CIMIP6: variants seen among roughly 807,000 people sequenced by gnomAD.
CIMIP6 encodes uncharacterized protein C2orf73.
the CIMIP6 span, chr2:54,331,120 C>G: frequency 2.1e-6 from 2 of 948,884 alleles, no homozygotes; most frequent in East Asian, 2.5e-5. Flanking sequence ...CCTTGCTTCT[C>G]TAATTTCCAG....
At chr2:54,341,898 T>C in the CIMIP6 span, among the ~76,000 whole-genome samples, 2 of 152,236 alleles carry the variant, frequency 1.3e-5, no homozygotes, top group Admixed American at 1.3e-4. Flanking sequence ...AAGATGTGAC[T>C]ATTTTCAGCC....
chr2:54,364,938 A>G, the CIMIP6 span, among the ~76,000 whole-genome samples: 2 of 152,236 alleles, frequency 1.3e-5, no homozygotes, highest in Non-Finnish European at 2.9e-5. Flanking sequence ...TGGAGAGAAC[A>G]CAAACAAGCA....
chr2:54,381,369 A>G, the CIMIP6 span, among the ~76,000 whole-genome samples: 118 of 152,330 alleles, frequency 7.7e-4, 1 homozygote, highest in African/African-American at 2.8e-3. Context: ...TTTACTTACC[A>G]TAAAAAGGCT....
chr2:54,370,491 T>A, the CIMIP6 span, among the ~76,000 whole-genome samples: 2 of 152,050 alleles, frequency 1.3e-5, no homozygotes, highest in Non-Finnish European at 2.9e-5. Flanking sequence ...AATACAGAAC[T>A]TGCCATACAG....
the CIMIP6 span, among the ~76,000 whole-genome samples, chr2:54,340,882 C>G: frequency 6.6e-6 from 1 of 152,034 alleles, no homozygotes; most frequent in Admixed American, 6.6e-5. Flanking sequence ...GGAGGATCAC[C>G]TGAGTCCAGG....
At chr2:54,358,933 C>A in the CIMIP6 span, 1 of 1,247,376 alleles carries the variant, frequency 8.0e-7, no homozygotes, top group Non-Finnish European at 1.1e-6. Context: ...ATTTTTTGTC[C>A]TGACTTCACA....
At chr2:54,344,892 C>T in the CIMIP6 span, among the ~76,000 whole-genome samples, 1 of 151,968 alleles carries the variant, frequency 6.6e-6, no homozygotes, top group Non-Finnish European at 1.5e-5. Flanking sequence ...TTTTCTGGAG[C>T]TCCAGAAAAG....
the CIMIP6 span, among the ~76,000 whole-genome samples, chr2:54,366,398 T>A: frequency 6.6e-6 from 1 of 152,242 alleles, no homozygotes; most frequent in Non-Finnish European, 1.5e-5. Flanking sequence ...AATAAACTTC[T>A]ATCTTGTATA....
At chr2:54,340,408 TTCC>T in the CIMIP6 span, among the ~76,000 whole-genome samples, 1 of 152,238 alleles carries the variant, frequency 6.6e-6, no homozygotes, top group African/African-American at 2.4e-5. Flanking sequence ...ATCCATGTCT[TTCC>T]TTAATCTCAT....
At chr2:54,356,158 A>T in the CIMIP6 span, among the ~76,000 whole-genome samples, 1 of 151,996 alleles carries the variant, frequency 6.6e-6, no homozygotes, top group Non-Finnish European at 1.5e-5. Context: ...AAAAAAAAAA[A>T]AAGGCATCAC....
the CIMIP6 span, chr2:54,331,111 C>A: frequency 9.7e-7 from 1 of 1,031,086 alleles, no homozygotes; most frequent in East Asian, 2.5e-5. Flanking sequence ...AGACAGCCCC[C>A]TTGCTTCTCT....
At chr2:54,343,483 G>A in the CIMIP6 span, among the ~76,000 whole-genome samples, 1 of 152,132 alleles carries the variant, frequency 6.6e-6, no homozygotes, top group Non-Finnish European at 1.5e-5. Flanking sequence ...ATAGAAGGAA[G>A]GTAGCTTAAG....
chr2:54,333,113 CTT>C, the CIMIP6 span, among the ~76,000 whole-genome samples: 1 of 152,174 alleles, frequency 6.6e-6, no homozygotes, highest in South Asian at 2.1e-4. Flanking sequence ...GAACAGGACA[CTT>C]TTCCTGATGT....
chr2:54,348,949 T>G, the CIMIP6 span, among the ~76,000 whole-genome samples: 1 of 152,212 alleles, frequency 6.6e-6, no homozygotes, highest in South Asian at 2.1e-4. Flanking sequence ...ACAGCTATGC[T>G]CCATCATATT....
At chr2:54,375,885 G>GTGTGTGTGTGTGT in the CIMIP6 span, among the ~76,000 whole-genome samples, 3 of 150,132 alleles carry the variant, frequency 2.0e-5, no homozygotes, top group Admixed American at 6.6e-5. Context: ...TCATATAGGG[G>GTGTGTGTGTGTGT]GTGTGTGTGT....
the CIMIP6 span, among the ~76,000 whole-genome samples, chr2:54,344,125 A>T: frequency 6.6e-6 from 1 of 152,190 alleles, no homozygotes; most frequent in Non-Finnish European, 1.5e-5. Flanking sequence ...AAAGTCAGAA[A>T]CTTAGTAGCA....
At chr2:54,358,401 A>ATT in the CIMIP6 span, among the ~76,000 whole-genome samples, 4 of 148,466 alleles carry the variant, frequency 2.7e-5, no homozygotes, top group African/African-American at 9.8e-5. Context: ...ATATCTAACA[A>ATT]TTTTTTTTTT....
chr2:54,372,902 CCTA>C, the CIMIP6 span, among the ~76,000 whole-genome samples: 1 of 152,160 alleles, frequency 6.6e-6, no homozygotes, highest in Non-Finnish European at 1.5e-5. Context: ...ATCTCTACCT[CCTA>C]CGTTTCCCCT....
At chr2:54,337,822 T>C in the CIMIP6 span, among the ~76,000 whole-genome samples, 18 of 152,256 alleles carry the variant, frequency 1.2e-4, no homozygotes, top group African/African-American at 3.6e-4. Flanking sequence ...AGGGAATCTG[T>C]CAGTGAATAT....
Sources: gnomAD v4.1 joint callset for allele counts (sites outside exome capture counted in the v4.1 genomes callset) on GRCh38, gnomAD v4.1.1 for gene constraint, MANE v1.5 for transcripts, NCBI Gene and HGNC (gene_info 2026-07-23, HGNC 2026-07-21) for gene names.